The following EIF4E3 variants were observed in gnomAD, a reference collection of about 807,000 sequenced individuals.
EIF4E3 encodes eukaryotic translation initiation factor 4E type 3.
In EIF4E3, 26 loss-of-function variants were observed where a neutral mutation model predicts 31.7. The observed-to-expected ratio is 0.82, with a 90% CI of 0.60 to 1.14. EIF4E3 has a LOEUF of 1.14. Ranked by LOEUF, EIF4E3 falls within the 50% of genes most tolerant of loss-of-function variation. The pLI, the probability that EIF4E3 is intolerant of heterozygous loss-of-function variation, is 0.00. For synonymous variants in EIF4E3, 128 were observed against 107.7 expected (o/e 1.19, Z -1.17); for missense variants, 304 against 270.9 (o/e 1.12, Z -0.86).
At chr3:71,721,400 G>T (rs535619146) in intron 1 of EIF4E3, among the ~76,000 whole-genome samples, 39 of 152,254 alleles carry the variant, frequency 2.6e-4, no homozygotes, top group African/African-American at 9.1e-4. Context: ...TCAGGGGCTC[G>T]GGGTGTGTGT....
At chr3:71,703,634 T>C (rs1186456901) in intron 2 of EIF4E3, among the ~76,000 whole-genome samples, 1 of 152,108 alleles carries the variant, frequency 6.6e-6, no homozygotes, top group East Asian at 1.9e-4. Context: ...TAGATAATCA[T>C]TCATTACCAA....
intron 5 of EIF4E3, 148 bp downstream of exon 5, chr3:71,693,727 G>GA (rs1008142643): frequency 4.1e-5 from 29 of 714,036 alleles, no homozygotes; most frequent in Middle Eastern, 3.8e-4. Context: ...AAAATCACAT[G>GA]AAAAAAAATT....
At chr3:71,748,793 G>A (rs992347226) in intron 1 of EIF4E3, among the ~76,000 whole-genome samples, 1 of 152,064 alleles carries the variant, frequency 6.6e-6, no homozygotes, top group African/African-American at 2.4e-5. Flanking sequence ...GAGAAAGCAA[G>A]GACCCATGAT....
rs2048903002 is a variant in EIF4E3, at chr3:71,679,848, C to T, written c.*4834G>A. Reference sequence around the variant, plus strand: ...TGTTATTTTACATGCAATTTTATAGCTCTATAACGTTCATTTAATCTTGTT... The same window carrying T: ...TGTTATTTTACATGCAATTTTATAGTTCTATAACGTTCATTTAATCTTGTT... On this transcript the variant is annotated 3_prime_UTR_variant, in exon 7 of 7. Transcript: ENST00000425534. 1 of 152,140 alleles carries T rather than the reference C, an allele frequency of 6.6e-6. No homozygotes were observed. The highest frequency in any genetic ancestry group is 2.4e-5 in the African/African-American group (1 of 41,432). 9.4% of individuals were successfully genotyped at this position (152,140 alleles called of 1,614,324 possible).
At chr3:71,691,212 G>A (rs2049058981) in intron 5 of EIF4E3, among the ~76,000 whole-genome samples, 1 of 152,148 alleles carries the variant, frequency 6.6e-6, no homozygotes, top group South Asian at 2.1e-4. Flanking sequence ...TTTTGCTTTA[G>A]TTAGTATGCT....
the EIF4E3 span, among the ~76,000 whole-genome samples, chr3:71,660,095 G>A: frequency 2.0e-5 from 3 of 152,198 alleles, no homozygotes; most frequent in African/African-American, 7.2e-5. Context: ...TGCTGCTGGA[G>A]AAGCTCTGCT....
chr3:71,742,034 A>G (rs1166251131), intron 1 of EIF4E3, among the ~76,000 whole-genome samples: 1 of 152,242 alleles, frequency 6.6e-6, no homozygotes, highest in Non-Finnish European at 1.5e-5. Context: ...GAAAATTTAT[A>G]ACACAAATGC....
chr3:71,729,968 T>C (rs2049687670), upstream of EIF4E3, among the ~76,000 whole-genome samples: 1 of 151,674 alleles, frequency 6.6e-6, no homozygotes, highest in South Asian at 2.1e-4. Context: ...CAGGCCTGTC[T>C]TTTATGTGGG....
chr3:71,741,606 G>A (rs757487880), intron 1 of EIF4E3, among the ~76,000 whole-genome samples: 4 of 152,164 alleles, frequency 2.6e-5, no homozygotes, highest in Admixed American at 6.5e-5. Context: ...ATAACTGCTA[G>A]AACAAGTAGA....
chr3:71,694,301 T>C (rs2049104033), intron 4 of EIF4E3, among the ~76,000 whole-genome samples: 1 of 152,264 alleles, frequency 6.6e-6, no homozygotes, highest in Admixed American at 6.5e-5. Context: ...GCTGATTATA[T>C]GTGGATGCTA....
intron 6 of EIF4E3, among the ~76,000 whole-genome samples, chr3:71,687,007 T>C (rs1205376556): frequency 6.6e-6 from 1 of 151,944 alleles, no homozygotes; most frequent in African/African-American, 2.4e-5. Flanking sequence ...TTATTTGTTG[T>C]TGTTGTTTTT....
At chr3:71,749,793 G>A (rs929247840) in intron 1 of EIF4E3, among the ~76,000 whole-genome samples, 1 of 152,218 alleles carries the variant, frequency 6.6e-6, no homozygotes, top group Non-Finnish European at 1.5e-5. Context: ...AAATGTCATA[G>A]AGCTGTTTTG....
chr3:71,704,131 G>A (rs2049257270), intron 2 of EIF4E3, among the ~76,000 whole-genome samples: 1 of 152,236 alleles, frequency 6.6e-6, no homozygotes, highest in Non-Finnish European at 1.5e-5. Flanking sequence ...AAAAGGGCTT[G>A]GCTTAAAGAG....
At position 71,722,890 on chromosome 3, in the gene EIF4E3, T is replaced by C. The variant is rs566538165; in HGVS notation, c.176+2302A>G. On this transcript the variant is annotated intron_variant, in intron 1 of 6. Transcript: ENST00000425534. ...GGCACCTGTTAGGTGTTGTACATCA[T>C]GTCTCTCATTTAATCCTCAGAACTG... Among the ~76,000 whole-genome samples, 3 of 152,310 alleles carry C rather than the reference T, an allele frequency of 2.0e-5. No homozygotes were observed. In the East Asian group the frequency reaches 5.8e-4, roughly 29 times the overall value.
chr3:71,747,419 A>G (rs1235227672), intron 1 of EIF4E3, among the ~76,000 whole-genome samples: 1 of 152,178 alleles, frequency 6.6e-6, no homozygotes, highest in Non-Finnish European at 1.5e-5. Flanking sequence ...GGCCATTTAC[A>G]TTTCTTTTTA....
rs2048882203 is a variant in EIF4E3 at position 71,677,387 on chromosome 3, C to T, written c.*7295G>A. On this transcript the variant is annotated 3_prime_UTR_variant, in exon 7 of 7. Transcript: ENST00000425534. ...AAAAGTTCTTTAATAGCAGTTACTG[C>T]AGCGAAAGGATCACTGAGGAAGAAA... The T allele has an allele frequency of 6.6e-6, 1 of 152,070 alleles. No homozygotes were observed. Among genetic ancestry groups the T allele is most frequent in the Non-Finnish European group, 1.5e-5 (1 of 68,004 alleles). 9.4% of individuals were successfully genotyped at this position (152,070 alleles called of 1,614,324 possible).
chr3:71,741,872 TC>T (rs2049824091), intron 1 of EIF4E3, among the ~76,000 whole-genome samples: 1 of 152,102 alleles, frequency 6.6e-6, no homozygotes. Context: ...TCTCTGGGAA[TC>T]CCCCAAATAC....
At chr3:71,719,707 A>T (rs1578370238) in intron 1 of EIF4E3, among the ~76,000 whole-genome samples, 1 of 152,058 alleles carries the variant, frequency 6.6e-6, no homozygotes, top group East Asian at 1.9e-4. Context: ...GGAGTTGAAG[A>T]GTGGTAGGTG....
chr3:71,666,710 G>A, the EIF4E3 span, among the ~76,000 whole-genome samples: 1 of 152,180 alleles, frequency 6.6e-6, no homozygotes, highest in Non-Finnish European at 1.5e-5. Flanking sequence ...GCTGAGGTGG[G>A]CGGATTGCCT....
Sources: gnomAD v4.1 joint callset for allele counts (sites outside exome capture counted in the v4.1 genomes callset) on GRCh38, gnomAD v4.1.1 for gene constraint, MANE v1.5 for transcripts, NCBI Gene and HGNC (gene_info 2026-07-23, HGNC 2026-07-21) for gene names.